The following AGBL1 variants were observed in gnomAD, a reference collection of about 807,000 sequenced individuals.
AGBL1 encodes cytosolic carboxypeptidase 4.
A neutral mutation model predicts 118.9 loss-of-function variants in AGBL1; 130 were observed. That is an observed-to-expected ratio of 1.09 (90% CI 0.95 to 1.26). The LOEUF is 1.26. AGBL1 is among the 50% of genes most tolerant of loss of function. The probability of loss-of-function intolerance (pLI) is 0.00; values close to 1 mark genes in which losing one functional copy is unlikely to be tolerated. For synonymous variants in AGBL1, 555 were observed against 478.9 expected (o/e 1.16, Z -2.08); for missense variants, 1,584 against 1,298.1 (o/e 1.22, Z -3.38).
At chr15:86,097,755 T>G (rs1482934495) in intron 1 of AGBL1, among the ~76,000 whole-genome samples, 1 of 152,152 alleles carries the variant, frequency 6.6e-6, no homozygotes, top group Non-Finnish European at 1.5e-5. Flanking sequence ...GTTGATTCCC[T>G]ATCTTGGCTC....
intron 5 of AGBL1, among the ~76,000 whole-genome samples, chr15:86,214,078 G>T (rs1224335877): frequency 1.3e-5 from 2 of 152,210 alleles, no homozygotes; most frequent in Non-Finnish European, 2.9e-5. Flanking sequence ...GCTGGAAGGT[G>T]CTAAGCCTTG....
At chr15:86,539,387 A>T (rs1282133870) in intron 19 of AGBL1, among the ~76,000 whole-genome samples, 7 of 152,138 alleles carry the variant, frequency 4.6e-5, no homozygotes, top group Admixed American at 4.6e-4. Flanking sequence ...TTTTCTTTAT[A>T]TACTTATATC....
At position 86,262,777 on chromosome 15, in the gene AGBL1, G is replaced by A. The variant is rs904907838; in HGVS notation, c.970-1G>A. 8 of 1,591,176 alleles carry A rather than the reference G, an allele frequency of 5.0e-6. No homozygotes were observed. The highest frequency in any genetic ancestry group is 6.9e-6 in the Non-Finnish European group (8 of 1,163,646). On this transcript the variant is annotated splice_acceptor_variant, in intron 9 of 22. Transcript: ENST00000614907. LOFTEE classifies it high-confidence loss of function. ...TCTCTTCTATGACTATTCCATTTTA[G>A]GATGATGACTTGGAAACAGACGTGA...
intron 5 of AGBL1, among the ~76,000 whole-genome samples, chr15:86,218,359 T>G (rs572432206): frequency 1.1e-4 from 17 of 152,080 alleles, no homozygotes; most frequent in Admixed American, 1.3e-4. Flanking sequence ...CTGGGGAGGG[T>G]CAAGTCTTGG....
Position 86,144,838 on chromosome 15 carries a change from A to G in AGBL1, c.262+993A>G, listed in dbSNP as rs73443440. ...AATAAAAGTTAAAAAAATAAAGTCTATAATATAAGTGTCCTAGTTTCCTAG... is the reference window on the plus strand; with the variant it reads ...AATAAAAGTTAAAAAAATAAAGTCTGTAATATAAGTGTCCTAGTTTCCTAG... On this transcript the variant is annotated intron_variant, in intron 3 of 22. Transcript: ENST00000614907. Among the ~76,000 whole-genome samples, 476 of 152,336 alleles carry G rather than the reference A, an allele frequency of 3.1e-3. 2 individuals carry two copies. Among genetic ancestry groups the G allele is most frequent in the African/African-American group, 0.011 (455 of 41,582 alleles).
intron 21 of AGBL1, among the ~76,000 whole-genome samples, chr15:86,625,708 T>C (rs997398105): frequency 6.6e-6 from 1 of 152,084 alleles, no homozygotes; most frequent in African/African-American, 2.4e-5. Flanking sequence ...AGGTAAAGGA[T>C]AAACAGAAGA....
rs767410858 is a variant in AGBL1, at chr15:86,215,213, GTATA to G, written c.489-9699_489-9696del. On this transcript the variant is annotated intron_variant, in intron 5 of 22. Transcript: ENST00000614907. ...CCTGGCTCTGTGTGTGTGTGTGAGT[GTATA>G]TGTATGCGTGTGTGTGTGTGTGTGT... Among the ~76,000 whole-genome samples, 8 of 139,212 alleles carry G rather than the reference GTATA, an allele frequency of 5.7e-5. No individual in the cohort carries two copies. In the South Asian group the frequency reaches 9.9e-4, roughly 17 times the overall value. 91.3% of individuals were successfully genotyped at this position (139,212 alleles called of 152,430 possible). A position where few individuals can be genotyped will look rare whatever the true frequency, so the allele number is the denominator to read the frequency against.
At position 86,142,048 on chromosome 15, in the gene AGBL1, C is replaced by T. The variant is rs545532368; in HGVS notation, c.96C>T (p.Leu32=). 58 of 1,550,196 alleles carry T rather than the reference C, an allele frequency of 3.7e-5. 1 individual carries two copies. The highest frequency in any genetic ancestry group is 1.7e-4 in the Middle Eastern group (1 of 5,990). The part of the protein sequence containing the change: ...KESILTILKV[L]GDLLSVGTDR... ...CCATCCTGACCATCCTCAAGGTCCT[C>T]GGAGATCTGCTTTCTGTTGGTGAGT... is the stretch of plus-strand genomic sequence containing the variant. Residue 32 remains leucine, a synonymous_variant, in exon 2 of 23, where the codon CTC becomes CTT. Transcript: ENST00000614907.
intron 21 of AGBL1, among the ~76,000 whole-genome samples, chr15:86,673,242 A>G (rs555583304): frequency 1.3e-5 from 2 of 152,312 alleles, no homozygotes; most frequent in Admixed American, 1.3e-4. Context: ...AATATTCCTT[A>G]TCACCAGATG....
At chr15:86,354,228 G>A (rs2080677599) in intron 17 of AGBL1, among the ~76,000 whole-genome samples, 2 of 152,212 alleles carry the variant, frequency 1.3e-5, no homozygotes, top group African/African-American at 4.8e-5. Context: ...TATGGTTCAG[G>A]TAGTCATAGG....
chr15:86,163,750 TTAAA>T (rs368488496), intron 5 of AGBL1, among the ~76,000 whole-genome samples: 73 of 152,006 alleles, frequency 4.8e-4, no homozygotes, highest in African/African-American at 1.7e-3. Context: ...ATAAATAAAA[TTAAA>T]TAAATACATT....
At chr15:86,446,800 T>A (rs760187045) in intron 18 of AGBL1, among the ~76,000 whole-genome samples, 1 of 152,222 alleles carries the variant, frequency 6.6e-6, no homozygotes, top group Non-Finnish European at 1.5e-5. Flanking sequence ...CAGGCAGAAA[T>A]GCAATTTTGA....
intron 17 of AGBL1, among the ~76,000 whole-genome samples, chr15:86,302,977 C>T (rs2079778275): frequency 6.6e-6 from 1 of 151,940 alleles, no homozygotes. Context: ...AGAGAAATGA[C>T]AAGATCAGAT....
At chr15:86,841,397 C>T (rs1049227657) in intron 22 of AGBL1, among the ~76,000 whole-genome samples, 2 of 152,132 alleles carry the variant, frequency 1.3e-5, no homozygotes, top group Non-Finnish European at 2.9e-5. Context: ...TAGACACATG[C>T]CAAATACAGG....
intron 10 of AGBL1, among the ~76,000 whole-genome samples, chr15:86,263,797 G>T (rs960066212): frequency 6.6e-6 from 1 of 152,108 alleles, no homozygotes. Context: ...CTACATCTAA[G>T]GGTATAAGCT....
intron 21 of AGBL1, among the ~76,000 whole-genome samples, chr15:86,600,611 G>A (rs1252446899): frequency 2.0e-5 from 3 of 152,046 alleles, no homozygotes; most frequent in Admixed American, 1.3e-4. Flanking sequence ...TTTTCCTACA[G>A]AAGGCACCTT....
intron 23 of AGBL1, among the ~76,000 whole-genome samples, chr15:86,981,396 C>T (rs1361108236): frequency 2.0e-5 from 3 of 152,200 alleles, no homozygotes; most frequent in South Asian, 2.1e-4. Context: ...CAAACTTTGC[C>T]TGTTTAATGG....
intron 22 of AGBL1, among the ~76,000 whole-genome samples, chr15:86,806,236 A>G (rs955466480): frequency 3.9e-5 from 6 of 152,136 alleles, no homozygotes; most frequent in Non-Finnish European, 5.9e-5. Context: ...CTATAGATCA[A>G]TGGGGTCAAG....
At chr15:86,658,570 A>G (rs1016406134) in intron 21 of AGBL1, among the ~76,000 whole-genome samples, 9 of 152,112 alleles carry the variant, frequency 5.9e-5, no homozygotes, top group Admixed American at 3.3e-4. Context: ...CCTTTTTACA[A>G]CTATGACTCT....
Sources: allele counts gnomAD v4.1 joint callset (sites outside exome capture counted in the v4.1 genomes callset), GRCh38; gene constraint gnomAD v4.1.1; transcripts MANE v1.5; gene names NCBI Gene and HGNC (gene_info 2026-07-23, HGNC 2026-07-21).